Variants in AGK observed in about 807,000 individuals in gnomAD.
The protein encoded by AGK is acylglycerol kinase, mitochondrial.
In AGK, 52 loss-of-function variants were observed where a neutral mutation model predicts 66.4. That is an observed-to-expected ratio of 0.78 (90% CI 0.63 to 0.99). AGK has a LOEUF of 0.99. Ranked by LOEUF, AGK falls within the 50% of genes least tolerant of loss-of-function variation. The pLI, the probability that AGK is intolerant of heterozygous loss-of-function variation, is 0.00. For synonymous variants in AGK, 182 were observed against 181.1 expected (o/e 1.00, Z -0.04); for missense variants, 451 against 506.6 (o/e 0.89, Z 1.05).
chr7:141,615,681 AGAG>A, intron 8 of AGK, 116 bp downstream of exon 8: 1 of 830,762 alleles, frequency 1.2e-6, no homozygotes, highest in South Asian at 1.5e-5. Context: ...CAAATAATTA[AGAG>A]GAGGACCTAG....
intron 2 of AGK, among the ~76,000 whole-genome samples, chr7:141,582,446 A>C (rs775411540): frequency 6.6e-6 from 1 of 151,874 alleles, no homozygotes; most frequent in African/African-American, 2.4e-5. Flanking sequence ...ATTAAGTTCT[A>C]TTGTGGGGTT....
chr7:141,589,347 T>C lies in AGK; in HGVS notation c.102-3799T>C, dbSNP rs142567685. Among the ~76,000 whole-genome samples, 443 of 152,380 alleles carry C rather than the reference T, an allele frequency of 2.9e-3. 4 individuals carry two copies. The highest frequency in any genetic ancestry group is 9.9e-3 in the African/African-American group (411 of 41,590). On this transcript the variant is annotated intron_variant, in intron 2 of 15. Coordinates refer to ENST00000649286, the MANE Select transcript of AGK (RefSeq NM_018238.4). Reference sequence around the variant, plus strand: ...AGGTAGTTGCTCTATGAATTTTAAGTTTTGTCTTTTATTCTGACAATGCTG... The same window carrying C: ...AGGTAGTTGCTCTATGAATTTTAAGCTTTGTCTTTTATTCTGACAATGCTG...
In AGK at chr7:141,598,671, C is replaced by T. The variant is rs969160777; in HGVS notation, c.221+2030C>T. Reference sequence around the variant, plus strand: ...AATATAAACTGCTGAAATTGTTACTCTTGACTATGGGTTAGGTTCAGAACA... The same window carrying T: ...AATATAAACTGCTGAAATTGTTACTTTTGACTATGGGTTAGGTTCAGAACA... On this transcript the variant is annotated intron_variant, in intron 4 of 15. Transcript: ENST00000649286. The surrounding 1 kb of genome is among the most constrained non-coding windows in gnomAD (Gnocchi z 4.2). Among the ~76,000 whole-genome samples the T allele has an allele frequency of 6.6e-6, 1 of 152,176 alleles. No individual in the cohort carries two copies. The highest frequency in any genetic ancestry group is 2.4e-5 in the African/African-American group (1 of 41,448).
At chr7:141,562,244 A>G in intron 2 of AGK, 3 of 450,936 alleles carry the variant, frequency 6.7e-6, no homozygotes, top group Non-Finnish European at 8.9e-6. Context: ...TCTCGGGAGC[A>G]GTGTTACTCT....
intron 1 of AGK, among the ~76,000 whole-genome samples, chr7:141,554,631 T>C (rs1795168919): frequency 6.6e-6 from 1 of 152,214 alleles, no homozygotes; most frequent in Non-Finnish European, 1.5e-5. Context: ...ATGTCCTTAC[T>C]CTCATGGAGT....
At chr7:141,605,805 C>T (rs1344411281) in intron 5 of AGK, among the ~76,000 whole-genome samples, 5 of 152,142 alleles carry the variant, frequency 3.3e-5, no homozygotes, top group East Asian at 1.9e-4. Flanking sequence ...CTAGGTCTGT[C>T]GACTCTAAGG....
intron 9 of AGK, among the ~76,000 whole-genome samples, chr7:141,630,001 A>C (rs1197164978): frequency 6.6e-6 from 1 of 152,248 alleles, no homozygotes; most frequent in Non-Finnish European, 1.5e-5. Context: ...AATGTACATT[A>C]ACATATTAAA....
chr7:141,650,956 T>C (rs909418570), intron 14 of AGK, among the ~76,000 whole-genome samples: 3 of 152,232 alleles, frequency 2.0e-5, no homozygotes, highest in Non-Finnish European at 2.9e-5. Flanking sequence ...CTGTATTCTC[T>C]AGGGGATAAG....
rs570053585 is a variant in AGK, at chr7:141,650,143, C to T, written c.1046+810C>T. ...CATTTCTGCTGCAGCGGCCTGGTCTCCATGGCTACTTCATTATCTACACAG... is the reference window on the plus strand; with the variant it reads ...CATTTCTGCTGCAGCGGCCTGGTCTTCATGGCTACTTCATTATCTACACAG... On this transcript the variant is annotated intron_variant, in intron 14 of 15. Transcript: ENST00000649286. Among the ~76,000 whole-genome samples the T allele has an allele frequency of 3.9e-5, 6 of 152,082 alleles. No individual in the cohort carries two copies. The East Asian group carries it at 5.8e-4, about 15-fold the overall frequency.
At chr7:141,635,478 C>T (rs572033468) in intron 10 of AGK, among the ~76,000 whole-genome samples, 22 of 152,170 alleles carry the variant, frequency 1.4e-4, no homozygotes, top group East Asian at 9.6e-4. Flanking sequence ...AATAATAACA[C>T]AAAAAATCAG....
chr7:141,610,202 C>T (rs904619072), intron 5 of AGK, among the ~76,000 whole-genome samples: 15 of 151,978 alleles, frequency 9.9e-5, no homozygotes, highest in African/African-American at 2.9e-4. Flanking sequence ...CTCCTGACCT[C>T]GTGATCCACC....
chr7:141,561,870 T>C (rs2116857664), intron 2 of AGK, among the ~76,000 whole-genome samples: 1 of 152,278 alleles, frequency 6.6e-6, no homozygotes, highest in East Asian at 1.9e-4. Context: ...GATGTGGTGC[T>C]CTCCTGCTCC....
intron 5 of AGK, among the ~76,000 whole-genome samples, chr7:141,608,538 G>GA (rs1796511081): frequency 6.6e-6 from 1 of 152,072 alleles, no homozygotes; most frequent in African/African-American, 2.4e-5. Context: ...GTAAGGAGGG[G>GA]AAAATGTCAG....
intron 4 of AGK, among the ~76,000 whole-genome samples, chr7:141,600,747 G>A (rs1367865635): frequency 3.3e-5 from 5 of 152,100 alleles, no homozygotes. Flanking sequence ...GCACAGAGAG[G>A]GCATGACTGT....
intron 2 of AGK, among the ~76,000 whole-genome samples, chr7:141,572,810 G>A (rs530650979): frequency 1.3e-5 from 2 of 152,124 alleles, no homozygotes; most frequent in South Asian, 2.1e-4. Context: ...CTATGGGGGG[G>A]GGAAATGTGT....
intron 5 of AGK, among the ~76,000 whole-genome samples, chr7:141,609,893 G>A (rs555081953): frequency 6.6e-6 from 1 of 151,838 alleles, no homozygotes; most frequent in East Asian, 1.9e-4. Flanking sequence ...GGGGTTTTAG[G>A]AACTCTTTGC....
intron 4 of AGK, chr7:141,599,454 T>C (rs1332628671): frequency 6.6e-6 from 1 of 152,146 alleles, no homozygotes; most frequent in Admixed American, 6.5e-5. Flanking sequence ...TATAGAAAAT[T>C]AGAAGGAAAA....
intron 9 of AGK, among the ~76,000 whole-genome samples, chr7:141,622,831 G>T (rs1796854579): frequency 6.6e-6 from 1 of 152,018 alleles, no homozygotes; most frequent in Non-Finnish European, 1.5e-5. Context: ...CCAGGCAGGT[G>T]GATCACTTGA....
At chr7:141,650,475 A>G (rs1182667486) in intron 14 of AGK, 1 of 984,550 alleles carries the variant, frequency 1.0e-6, no homozygotes, top group Admixed American at 6.1e-5. Flanking sequence ...CTCTACAGGA[A>G]GTGAAATCAA....
Sources: gnomAD v4.1 joint callset for allele counts (sites outside exome capture counted in the v4.1 genomes callset) on GRCh38, gnomAD v4.1.1 for gene constraint, Gnocchi (gnomAD v3.1) non-coding constraint, MANE v1.5 for transcripts, NCBI Gene and HGNC (gene_info 2026-07-23, HGNC 2026-07-21) for gene names.